Variants in EMX1 observed in about 807,000 individuals in gnomAD.
The protein encoded by EMX1 is homeobox protein EMX1.
In EMX1, 10 loss-of-function variants were observed where a neutral mutation model predicts 20.1. The observed-to-expected ratio is 0.50, with a 90% CI of 0.31 to 0.84. The LOEUF is 0.84. Ranked by LOEUF, EMX1 falls within the 40% of genes least tolerant of loss-of-function variation. The pLI, the probability that EMX1 is intolerant of heterozygous loss-of-function variation, is 0.05. For missense variants in EMX1, 424 were observed against 431.9 expected (o/e 0.98, Z 0.16); for synonymous variants, 250 against 200.4 (o/e 1.25, Z -2.09).
Position 72,921,675 on chromosome 2 carries a change from C to T in EMX1, c.521-2634C>T, listed in dbSNP as rs150883925. On this transcript the variant is annotated intron_variant, in intron 1 of 2. Transcript: ENST00000258106. ...TCTTGACTCATCCTGCAGTCTCCTG[C>T]TTCTCTGTGATAGGGTTAGAAGGAC... is the stretch of plus-strand genomic sequence containing the variant. Among the ~76,000 whole-genome samples, 1,098 of 152,330 alleles carry T rather than the reference C, an allele frequency of 7.2e-3. 8 individuals carry two copies. The highest frequency in any genetic ancestry group is 0.012 in the Non-Finnish European group (787 of 68,012).
At chr2:72,927,860 C>T (rs2105269003) in intron 2 of EMX1, among the ~76,000 whole-genome samples, 1 of 152,352 alleles carries the variant, frequency 6.6e-6, no homozygotes, top group African/African-American at 2.4e-5. Flanking sequence ...CTAACTTTAT[C>T]AGTCATTCCC....
chr2:72,924,021 G>A (rs1385832606), intron 1 of EMX1: 2 of 538,302 alleles, frequency 3.7e-6, no homozygotes, highest in Admixed American at 3.1e-5. Flanking sequence ...GCCTCGTCCG[G>A]CCTGCCCCAT....
At chr2:72,933,662 C>T (rs867529941) in intron 2 of EMX1, 125 bp from the exon 3 acceptor site, 1 of 1,308,868 alleles carries the variant, frequency 7.6e-7, no homozygotes, top group African/African-American at 1.5e-5. Context: ...CGGCCTGGGG[C>T]CCCTAACCCT....
In EMX1 at chr2:72,918,076, A is replaced by G. The variant is rs2105259927; in HGVS notation, c.224A>G (p.Glu75Gly). The change falls in exon 1 of 3, where the codon GAG becomes GGG. Residue 75 changes from glutamate to glycine, a missense_variant. Glu to Gly is a moderately conservative substitution (Grantham distance 98). This residue lies in a region of EMX1 where 333 missense variants were observed against 296.6 expected (regional missense o/e 1.12). Transcript: ENST00000258106. The stretch of plus-strand genomic sequence containing the variant: ...CATCTCCTGGCGGCGGCCGCCTCCG[A>G]GGAACCGCTCCGGCCCACGGCGCTC... ...GSHLLAAAAS[E>G]EPLRPTALNY... The G allele has an allele frequency of 1.4e-6, 2 of 1,423,632 alleles. No individual in the cohort carries two copies. The highest frequency in any genetic ancestry group is 1.5e-5 in the African/African-American group (1 of 66,492). 88.2% of individuals were successfully genotyped at this position (1,423,632 alleles called of 1,614,324 possible).
rs570924909 is a variant in EMX1 at position 72,924,134 on chromosome 2, G to C, written c.521-175G>C. 69 of 768,988 alleles carry C rather than the reference G, an allele frequency of 9.0e-5. No individual in the cohort carries two copies. The Middle Eastern group carries it at 1.6e-3, about 18-fold the overall frequency. 47.6% of individuals were successfully genotyped at this position (768,988 alleles called of 1,614,324 possible). On this transcript the variant is annotated intron_variant, in intron 1 of 2. Coordinates refer to ENST00000258106, the MANE Select transcript of EMX1 (RefSeq NM_004097.3). ...GTGTTGCGGAGGGGAGTGGACTTAG[G>C]GAAGGGGCGGCAAAAGGGCAAAGGG...
chr2:72,917,094 G>A, upstream of EMX1: 1 of 623,836 alleles, frequency 1.6e-6, no homozygotes, highest in Non-Finnish European at 3.0e-6. Context: ...AGAGCAGGGG[G>A]GCAGAGAGCT....
intron 1 of EMX1, among the ~76,000 whole-genome samples, chr2:72,921,384 G>T (rs118090078): frequency 1.3e-5 from 2 of 152,148 alleles, no homozygotes; most frequent in African/African-American, 2.4e-5. Context: ...CAAACAGGCC[G>T]CACCCTAGAC....
In EMX1 at chr2:72,917,597, C is replaced by G. The variant is rs1670989673; in HGVS notation, c.-256C>G. 1 of 217,654 alleles carries G rather than the reference C, an allele frequency of 4.6e-6. No individual in the cohort carries two copies. The highest frequency in any genetic ancestry group is 8.9e-6 in the Non-Finnish European group (1 of 112,760). 13.5% of individuals were successfully genotyped at this position (217,654 alleles called of 1,614,324 possible). ...CACCGGGGGCTGGGGTCGGTCCCAGCGGGACTCCGAAAGGAGGGAGACGAG... is the reference window on the plus strand; with the variant it reads ...CACCGGGGGCTGGGGTCGGTCCCAGGGGGACTCCGAAAGGAGGGAGACGAG... On this transcript the variant is annotated 5_prime_UTR_variant, in exon 1 of 3. Coordinates refer to ENST00000258106, the MANE Select transcript of EMX1 (RefSeq NM_004097.3).
At chr2:72,928,839 C>T (rs1452365117) in intron 2 of EMX1, among the ~76,000 whole-genome samples, 1 of 152,124 alleles carries the variant, frequency 6.6e-6, no homozygotes, top group East Asian at 1.9e-4. Flanking sequence ...GAGAAGATGG[C>T]TCCAGGAGGC....
chr2:72,929,108 C>T (rs1266074078), intron 2 of EMX1, among the ~76,000 whole-genome samples: 1 of 152,118 alleles, frequency 6.6e-6, no homozygotes, highest in African/African-American at 2.4e-5. Context: ...ATCCAAGTGA[C>T]CTGAATTTTA....
Position 72,924,321 on chromosome 2 carries a change from C to G in EMX1, c.533C>G (p.Pro178Arg). 6.4e-7 allele frequency: 1 copy of G among 1,570,264 alleles called. No homozygotes were observed. The highest frequency in any genetic ancestry group is 1.2e-5 in the South Asian group (1 of 86,520). The change falls in exon 2 of 3, where the codon CCC becomes CGC. Residue 178 changes from proline (P) to arginine (R), a missense_variant. Transcript: ENST00000258106. Reference protein sequence around the residue: ...FGHRFQASDVPQDGLLLHGPF... With the variant: ...FGHRFQASDVRQDGLLLHGPF... ...GGCGGGGCCGCAGCCAGCGACGTGC[C>G]CCAGGACGGGCTGCTTCTGCACGGC... is the stretch of plus-strand genomic sequence containing the variant.
intron 1 of EMX1, among the ~76,000 whole-genome samples, chr2:72,920,100 G>C (rs771478290): frequency 6.6e-6 from 1 of 152,280 alleles, no homozygotes; most frequent in Non-Finnish European, 1.5e-5. Flanking sequence ...GTCCGGAGTC[G>C]GCATCCTGGG....
chr2:72,919,048 G>A (rs1161974152), intron 1 of EMX1, among the ~76,000 whole-genome samples: 5 of 152,214 alleles, frequency 3.3e-5, no homozygotes, highest in Admixed American at 2.6e-4. Context: ...GAGCCCACCC[G>A]GCTGCTGGAA....
In EMX1 at chr2:72,918,362, C is replaced by G; in HGVS notation, c.510C>G (p.His170Gln). ...TCCTGCGGAACCGCTTCTTCGGCCA[C>G]CGCTTCCAGGGTGAGTGTCCACGCT... is the stretch of plus-strand genomic sequence containing the variant. ...PWVLRNRFFG[H>Q]RFQASDVPQD... Residue 170 changes from histidine (H) to glutamine (Q), a missense_variant, in exon 1 of 3, where the codon CAC becomes CAG. This residue lies in a region of EMX1 where 333 missense variants were observed against 296.6 expected (regional missense o/e 1.12). Transcript: ENST00000258106. The G allele has an allele frequency of 6.8e-7, 1 of 1,463,276 alleles. No individual in the cohort carries two copies. Among genetic ancestry groups the G allele is most frequent in the Non-Finnish European group, 9.0e-7 (1 of 1,113,898 alleles). 90.6% of individuals were successfully genotyped at this position (1,463,276 alleles called of 1,614,324 possible).
intron 2 of EMX1, chr2:72,932,934 A>AGCTGCCCGTGAAGGGCAGAAT (rs1190804990): frequency 6.6e-6 from 1 of 152,258 alleles, no homozygotes; most frequent in East Asian, 1.9e-4. Flanking sequence ...GAAGGTCTGG[A>AGCTGCCCGTGAAGGGCAGAAT]GCTGCCCGTG....
intron 2 of EMX1, among the ~76,000 whole-genome samples, chr2:72,931,842 C>A (rs572750082): frequency 6.6e-6 from 1 of 152,222 alleles, no homozygotes; most frequent in Non-Finnish European, 1.5e-5. Context: ...ATCCCCATGC[C>A]AGTGCTCTAA....
intron 1 of EMX1, among the ~76,000 whole-genome samples, chr2:72,918,703 A>G (rs541897354): frequency 6.6e-6 from 1 of 152,294 alleles, no homozygotes; most frequent in Non-Finnish European, 1.5e-5. Flanking sequence ...CCAGTCTCAG[A>G]CCAGAGTACA....
At chr2:72,931,933 G>A (rs545286827) in intron 2 of EMX1, among the ~76,000 whole-genome samples, 7 of 152,230 alleles carry the variant, frequency 4.6e-5, no homozygotes, top group Non-Finnish European at 8.8e-5. Flanking sequence ...CCTGGGGTAG[G>A]TGGGACAGAG....
chr2:72,922,984 C>T (rs1671129023), intron 1 of EMX1, among the ~76,000 whole-genome samples: 1 of 152,164 alleles, frequency 6.6e-6, no homozygotes, highest in South Asian at 2.1e-4. Flanking sequence ...CATCAGGAGG[C>T]TGTTATGTGC....
Sources: gnomAD v4.1 joint callset for allele counts (sites outside exome capture counted in the v4.1 genomes callset) on GRCh38, gnomAD v4.1.1 for gene constraint, gnomAD v4.1.1 regional missense constraint, MANE v1.5 for transcripts, NCBI Gene and HGNC (gene_info 2026-07-23, HGNC 2026-07-21) for gene names.